AGAP3: variants seen among roughly 807,000 people sequenced by gnomAD.
The protein encoded by AGAP3 is ArfGAP with GTPase domain, ankyrin repeat and PH domain 3.
In AGAP3, 24 loss-of-function variants were observed where a neutral mutation model predicts 96.9. The observed-to-expected ratio is 0.25, with a 90% CI of 0.18 to 0.35. The LOEUF is 0.35. AGAP3 is among the 10% of genes least tolerant of loss of function. The pLI, the probability that AGAP3 is intolerant of heterozygous loss-of-function variation, is 1.00. For missense variants in AGAP3, 876 were observed against 1,254.2 expected, an observed-to-expected ratio of 0.70 and a Z score of 4.55; for synonymous variants, 563 against 536.1, an observed-to-expected ratio of 1.05 and a Z score of -0.69.
In AGAP3 at chr7:151,141,947, G is replaced by T. The variant is rs370865089; in HGVS notation, c.1854G>T (p.Thr618=). Residue 618 remains threonine (T), a synonymous_variant, in exon 14 of 18, where the codon ACG becomes ACT. Transcript: ENST00000397238. The surrounding 1 kb of genome is among the most constrained non-coding windows in gnomAD (Gnocchi z 4.2). ...TGGTGGTGTCCCTCACTGGGCAGAC[G>T]TGGCACTTCGAGGCTTCAACGGCGG... ...EFVVVSLTGQ[T]WHFEASTAEE... The T allele has an allele frequency of 6.2e-7, 1 of 1,609,016 alleles. No homozygotes were observed. The highest frequency in any genetic ancestry group is 1.1e-5 in the South Asian group (1 of 91,002).
chr7:151,143,506 G>A lies in AGAP3; in HGVS notation c.2439G>A (p.Val813=), dbSNP rs773564710. Residue 813 remains valine (V), a synonymous_variant, in exon 17 of 18, where the codon GTG becomes GTA. Coordinates refer to ENST00000397238, the MANE Select transcript of AGAP3 (RefSeq NM_031946.7). This position sits in a 1 kb window ranked among gnomAD's most constrained non-coding sequence, Gnocchi z 5.9. The part of the protein sequence containing the change: ...MLLAHGSKEE[V]NETYGDGDGR... Reference sequence around the variant, plus strand: ...TGGCACATGGCTCCAAAGAGGAGGTGAATGAGACCTATGGGGACGGGGACG... The same window carrying A: ...TGGCACATGGCTCCAAAGAGGAGGTAAATGAGACCTATGGGGACGGGGACG... 7 of 1,614,214 alleles carry A rather than the reference G, an allele frequency of 4.3e-6. No individual in the cohort carries two copies. The Admixed American group carries it at 5.0e-5, about 12-fold the overall frequency.
chr7:151,122,713 C>T (rs1408336332), intron 8 of AGAP3: 3 of 1,613,584 alleles, frequency 1.9e-6, no homozygotes, highest in Non-Finnish European at 2.5e-6. Flanking sequence ...TTTATTCTTT[C>T]GATATTTGCA....
Position 151,108,322 on chromosome 7 carries a change from G to A in AGAP3, c.332-8471G>A, listed in dbSNP as rs1001692287. On this transcript the variant is annotated intron_variant, in intron 1 of 17. Transcript: ENST00000397238. The surrounding 1 kb of genome is among the most constrained non-coding windows in gnomAD (Gnocchi z 4.2). Reference sequence around the variant, plus strand: ...ACAATACCGCCATGTCACCGGCCTGGTGTCGAAAGGCCATTTTCGGCTGGA... The same window carrying A: ...ACAATACCGCCATGTCACCGGCCTGATGTCGAAAGGCCATTTTCGGCTGGA... Among the ~76,000 whole-genome samples the A allele has an allele frequency of 6.6e-6, 1 of 152,156 alleles. No homozygotes were observed. The highest frequency in any genetic ancestry group is 2.4e-5 in the African/African-American group (1 of 41,442).
chr7:151,135,713 C>T (rs1006474342), intron 11 of AGAP3, among the ~76,000 whole-genome samples: 1 of 152,220 alleles, frequency 6.6e-6, no homozygotes, highest in Admixed American at 6.5e-5. Flanking sequence ...AGGGGCCTGA[C>T]ACAACTGAGA....
chr7:151,118,017 T>C lies in AGAP3; in HGVS notation c.707-193T>C. 1 of 892,716 alleles carries C rather than the reference T, an allele frequency of 1.1e-6. No homozygotes were observed. Among genetic ancestry groups the C allele is most frequent in the Non-Finnish European group, 1.7e-6 (1 of 594,488 alleles). 55.3% of individuals were successfully genotyped at this position (892,716 alleles called of 1,614,324 possible). ...TAGATGAATAAACGTGCTCAGAGCT[T>C]AAGTGCTTGCTGGTTTGCACTCAGT... is the stretch of plus-strand genomic sequence containing the variant. On this transcript the variant is annotated intron_variant, in intron 5 of 17. Transcript: ENST00000397238. The surrounding 1 kb of genome is among the most constrained non-coding windows in gnomAD (Gnocchi z 6.1).
chr7:151,092,856 G>T (rs1201969619), intron 1 of AGAP3, among the ~76,000 whole-genome samples: 1 of 152,158 alleles, frequency 6.6e-6, no homozygotes, highest in Admixed American at 6.5e-5. Context: ...GCCCTTAAAA[G>T]CTGCTTCTAC....
At chr7:151,091,044 T>C (rs1164818594) in intron 1 of AGAP3, among the ~76,000 whole-genome samples, 1 of 152,222 alleles carries the variant, frequency 6.6e-6, no homozygotes, top group Non-Finnish European at 1.5e-5. Flanking sequence ...TTGTGTCTGT[T>C]TCTGTTCGTC....
chr7:151,122,959 G>A lies in AGAP3; in HGVS notation c.1129-835G>A, dbSNP rs895069135. The A allele has an allele frequency of 4.0e-5, 57 of 1,436,022 alleles. No homozygotes were observed. In the African/African-American group the frequency reaches 7.8e-4, roughly 20 times the overall value. 89.0% of individuals were successfully genotyped at this position (1,436,022 alleles called of 1,614,324 possible). A position where few individuals can be genotyped will look rare whatever the true frequency, so the allele number is the denominator to read the frequency against. On this transcript the variant is annotated intron_variant, in intron 8 of 17. Coordinates refer to ENST00000397238, the MANE Select transcript of AGAP3 (RefSeq NM_031946.7). ...ACCCCCAGGGAAGGCTAGGAGCGCC[G>A]GAGCCCGCGCTGGGGGCTGCCGGGG...
intron 1 of AGAP3, among the ~76,000 whole-genome samples, chr7:151,091,487 T>C (rs942247673): frequency 5.3e-5 from 8 of 152,032 alleles, no homozygotes; most frequent in Non-Finnish European, 8.8e-5. Flanking sequence ...AAGCAGACAA[T>C]CAAAGGAGAG....
At position 151,143,314 on chromosome 7, in the gene AGAP3, C is replaced by T. The variant is rs139380360; in HGVS notation, c.2274-27C>T. 25 of 1,591,770 alleles carry T rather than the reference C, an allele frequency of 1.6e-5. No individual in the cohort carries two copies. The East Asian group carries it at 4.7e-4, about 30-fold the overall frequency. ...CGTTGCTCGGTGACCTTCCTTGGCT[C>T]ATGCCCTGATGGGCCTGTGGTTGCA... On this transcript the variant is annotated intron_variant, in intron 16 of 17. Transcript: ENST00000397238. This position sits in a 1 kb window ranked among gnomAD's most constrained non-coding sequence, Gnocchi z 5.9.
At chr7:151,098,382 C>T (rs759382046) in intron 1 of AGAP3, among the ~76,000 whole-genome samples, 87 of 151,670 alleles carry the variant, frequency 5.7e-4, no homozygotes, top group Non-Finnish European at 1.1e-3. Flanking sequence ...CAAACACACA[C>T]ATATACACAA....
chr7:151,109,736 G>A (rs1358715403), intron 1 of AGAP3, among the ~76,000 whole-genome samples: 1 of 152,204 alleles, frequency 6.6e-6, no homozygotes, highest in Non-Finnish European at 1.5e-5. Context: ...GGAGGGACCA[G>A]CCCAGGAATC....
chr7:151,114,851 C>G lies in AGAP3; in HGVS notation c.332-1942C>G. 9.6e-7 allele frequency: 1 copy of G among 1,044,620 alleles called. No homozygotes were observed. The highest frequency in any genetic ancestry group is 1.1e-6 in the Non-Finnish European group (1 of 869,580). The allele number at this position is 1,044,620 out of a possible 1,614,324, so 64.7% of individuals were successfully genotyped here. A position where few individuals can be genotyped will look rare whatever the true frequency, so the allele number is the denominator to read the frequency against. The stretch of plus-strand genomic sequence containing the variant: ...GCCGCCGCGCCCACAGCGTCTGCGA[C>G]TCGCTGGACCTGCACGGCGCCTCGG... On this transcript the variant is annotated intron_variant, in intron 1 of 17. Coordinates refer to ENST00000397238, the MANE Select transcript of AGAP3 (RefSeq NM_031946.7). This position sits in a 1 kb window ranked among gnomAD's most constrained non-coding sequence, Gnocchi z 4.4.
intron 1 of AGAP3, among the ~76,000 whole-genome samples, chr7:151,088,518 C>T (rs940255206): frequency 8.5e-5 from 13 of 152,188 alleles, no homozygotes; most frequent in Non-Finnish European, 1.6e-4. Flanking sequence ...AGGGTGGAGG[C>T]GGGAGAGACA....
intron 1 of AGAP3, 151 bp downstream of exon 1, chr7:151,087,223 C>A: frequency 1.2e-6 from 1 of 817,056 alleles, no homozygotes; most frequent in South Asian, 1.6e-5. Context: ...ATCTGTGTTG[C>A]AGAACCGGCG....
At chr7:151,117,321 C>A (rs1395307381) in intron 3 of AGAP3, 50 bp from the exon 4 acceptor site, 1 of 1,610,090 alleles carries the variant, frequency 6.2e-7, no homozygotes, top group Non-Finnish European at 8.5e-7. Context: ...TCTTCTTGGC[C>A]CCTGGATTCT....
chr7:151,138,247 TCCGTTTCCAGCG>T lies in AGAP3; in HGVS notation c.1604_1615del (p.Val535_Ala538del), dbSNP rs1563524262. 6 of 1,612,784 alleles carry T rather than the reference TCCGTTTCCAGCG, an allele frequency of 3.7e-6. No homozygotes were observed. Among genetic ancestry groups the T allele is most frequent in the Non-Finnish European group, 5.1e-6 (6 of 1,179,818 alleles). On this transcript the variant is annotated inframe_deletion, in exon 12 of 18. Transcript: ENST00000397238. ...TGAGGGGCTGCACCAGCGCTCCTGC[TCCGTTTCCAGCG>T]CCGACCAGTGGAGTGAGGCCACCAC...
intron 1 of AGAP3, among the ~76,000 whole-genome samples, chr7:151,102,911 C>T (rs766728085): frequency 3.9e-5 from 6 of 152,122 alleles, no homozygotes; most frequent in Admixed American, 1.3e-4. Context: ...CTCACCCAGC[C>T]GCTACAAAAA....
rs199876138 is a variant in AGAP3 at position 151,119,988 on chromosome 7, C to T, written c.971C>T (p.Ala324Val). Residue 324 changes from alanine to valine, a missense_variant and splice_region_variant, in exon 8 of 18, where the codon GCC (alanine) becomes GTC (valine). By Grantham distance (64) the Ala-to-Val change is moderately conservative. This residue lies in a region of AGAP3 where 100 missense variants were observed against 129.4 expected (regional missense o/e 0.77). Transcript: ENST00000397238. ...ASIPAVHINQ[A>V]TNGGGSAFSD... is the part of the protein sequence containing the mutation. ...CTCAGCAGCCCTCTTTGTCCTTAGGCCACGAATGGCGGCGGCAGCGCCTTC... is the reference window on the plus strand; with the variant it reads ...CTCAGCAGCCCTCTTTGTCCTTAGGTCACGAATGGCGGCGGCAGCGCCTTC... 331 of 1,613,552 alleles carry T rather than the reference C, an allele frequency of 2.1e-4. No homozygotes were observed. Among genetic ancestry groups the T allele is most frequent in the Non-Finnish European group, 2.6e-4 (307 of 1,179,892 alleles).
Sources: allele counts gnomAD v4.1 joint callset (sites outside exome capture counted in the v4.1 genomes callset), GRCh38; gene constraint gnomAD v4.1.1; regional missense constraint gnomAD v4.1.1; non-coding constraint Gnocchi (gnomAD v3.1); transcripts MANE v1.5; gene names NCBI Gene and HGNC (gene_info 2026-07-23, HGNC 2026-07-21).